POC1A: variants seen among roughly 807,000 people sequenced by gnomAD.
POC1A encodes the protein POC1 centriolar protein A.
POC1A carries 34 observed loss-of-function variants against 47.8 expected under a neutral mutation model. The observed-to-expected ratio is 0.71, with a 90% CI of 0.54 to 0.95. The LOEUF (loss-of-function observed/expected upper bound fraction) is 0.95. Among genes scored for constraint, POC1A ranks in the 40% least tolerant of loss-of-function variants. The pLI is 0.00. For synonymous variants in POC1A, 177 were observed against 207.6 expected, an observed-to-expected ratio of 0.85 and a Z score of 1.27; for missense variants, 466 against 528.3, an observed-to-expected ratio of 0.88 and a Z score of 1.16.
In POC1A at chr3:52,141,404, C is replaced by G. The variant is rs6784563; in HGVS notation, c.680-3102G>C. Among the ~76,000 whole-genome samples the G allele has an allele frequency of 7.6e-3, 1,164 of 152,354 alleles. 7 individuals carry two copies. The highest frequency in any genetic ancestry group is 0.026 in the African/African-American group (1,090 of 41,586). On this transcript the variant is annotated intron_variant, in intron 6 of 10. Transcript: ENST00000296484. ...CCAACATCCTTCCACAAAAGGACCG[C>G]TCATTTTCCCCAGGGTGGTCTCTTG...
chr3:52,139,356 C>CT (rs1278508130), intron 6 of POC1A, among the ~76,000 whole-genome samples: 1 of 152,202 alleles, frequency 6.6e-6, no homozygotes, highest in East Asian at 1.9e-4. Flanking sequence ...GTCCATGACT[C>CT]TCTTTTCCCT....
intron 5 of POC1A, among the ~76,000 whole-genome samples, chr3:52,146,561 C>T (rs551220281): frequency 6.6e-6 from 1 of 152,358 alleles, no homozygotes; most frequent in East Asian, 1.9e-4. Flanking sequence ...GAACAGCCAC[C>T]ATCTGCTACA....
At position 52,075,391 on chromosome 3, in the gene POC1A, T is replaced by C. The variant is rs747343; in HGVS notation, c.*496A>G. The C allele has an allele frequency of 0.26, 40,103 of 155,638 alleles. 6,415 individuals carry two copies. Among genetic ancestry groups the C allele is most frequent in the East Asian group, 0.46 (2,483 of 5,342 alleles). The allele number at this position is 155,638 out of a possible 1,614,324, so 9.6% of individuals were successfully genotyped here. ...ACCACCCACTTGAGAGGGCTTGTTC[T>C]CAACAAACCTGACTCAGATGGGCCC... is the stretch of plus-strand genomic sequence containing the variant. On this transcript the variant is annotated 3_prime_UTR_variant, in exon 11 of 11. Coordinates refer to ENST00000296484, the MANE Select transcript of POC1A (RefSeq NM_015426.5).
chr3:52,107,550 T>C (rs1295062666), intron 9 of POC1A, among the ~76,000 whole-genome samples: 1 of 152,164 alleles, frequency 6.6e-6, no homozygotes, highest in Non-Finnish European at 1.5e-5. Flanking sequence ...CCACGTACAC[T>C]CCCAAGGGCT....
intron 6 of POC1A, among the ~76,000 whole-genome samples, chr3:52,144,016 C>A (rs563698842): frequency 6.6e-6 from 1 of 152,346 alleles, no homozygotes; most frequent in South Asian, 2.1e-4. Flanking sequence ...AGTGTCAGGA[C>A]TTATGTAGCA....
In POC1A at chr3:52,145,958, A is replaced by C. The variant is rs908675630; in HGVS notation, c.567T>G (p.Phe189Leu). Reference sequence around the variant, plus strand: ...TGGGGTGGAAGTCCACATAGGTGACAAAGCTGGAAAGACAGGGGCCACTAT... The same window carrying C: ...TGGGGTGGAAGTCCACATAGGTGACCAAGCTGGAAAGACAGGGGCCACTAT... ...CVHSYCEHGG[F>L]VTYVDFHPSG... Residue 189 changes from phenylalanine (F) to leucine (L), a missense_variant, in exon 6 of 11, where the codon TTT (phenylalanine) becomes TTG (leucine). Phe to Leu is a conservative substitution (Grantham distance 22, BLOSUM62 0). Transcript: ENST00000296484. The C allele has an allele frequency of 6.2e-6, 10 of 1,601,712 alleles. No homozygotes were observed. The highest frequency in any genetic ancestry group is 5.0e-5 in the Admixed American group (3 of 60,006).
At chr3:52,086,198 A>G (rs9846049) in intron 10 of POC1A, among the ~76,000 whole-genome samples, 23,762 of 151,958 alleles carry the variant, frequency 0.16, 3,069 homozygotes, top group African/African-American at 0.35. Flanking sequence ...TGTGGTCCCC[A>G]CTGCTCTGAG....
intron 7 of POC1A, 59 bp from the exon 8 acceptor site, chr3:52,125,240 A>C: frequency 1.5e-6 from 2 of 1,370,906 alleles, no homozygotes; most frequent in Non-Finnish European, 2.1e-6. Context: ...CTAAATGCAC[A>C]GGAAGAAAAC....
rs1321640061 is a variant in POC1A at position 52,090,324 on chromosome 3, T to C, written c.1125+6245A>G. Among the ~76,000 whole-genome samples, 1 of 152,204 alleles carries C rather than the reference T, an allele frequency of 6.6e-6. No individual in the cohort carries two copies. The highest frequency in any genetic ancestry group is 1.5e-5 in the Non-Finnish European group (1 of 68,034). On this transcript the variant is annotated intron_variant, in intron 10 of 10. Coordinates refer to ENST00000296484, the MANE Select transcript of POC1A (RefSeq NM_015426.5). This position sits in a 1 kb window ranked among gnomAD's most constrained non-coding sequence, Gnocchi z 4.2. The stretch of plus-strand genomic sequence containing the variant: ...GGTATTTTTAAAAAGCAGCAAGACG[T>C]GAAACTGGAGTCAAAAATAACTTTG...
chr3:52,113,517 A>G (rs1453696639), intron 9 of POC1A, among the ~76,000 whole-genome samples: 1 of 152,238 alleles, frequency 6.6e-6, no homozygotes, highest in Admixed American at 6.5e-5. Flanking sequence ...AGCCCAGCCA[A>G]CATGGTGAAA....
chr3:52,087,239 A>T (rs1302787542), intron 10 of POC1A, among the ~76,000 whole-genome samples: 1 of 152,192 alleles, frequency 6.6e-6, no homozygotes, highest in Non-Finnish European at 1.5e-5. Context: ...TGGTCTGATG[A>T]TGACTAAAAT....
intron 10 of POC1A, among the ~76,000 whole-genome samples, chr3:52,096,035 G>T (rs894653033): frequency 2.6e-5 from 4 of 152,250 alleles, no homozygotes; most frequent in Admixed American, 2.6e-4. Flanking sequence ...ACATTTCCCA[G>T]ATTCATCTCC....
chr3:52,149,846 T>C lies in POC1A; in HGVS notation c.245A>G (p.Asp82Gly). 1 of 1,613,852 alleles carries C rather than the reference T, an allele frequency of 6.2e-7. No individual in the cohort carries two copies. Among genetic ancestry groups the C allele is most frequent in the Non-Finnish European group, 8.5e-7 (1 of 1,179,994 alleles). The change falls in exon 3 of 11, where the codon GAC becomes GGC. Residue 82 changes from aspartate to glycine, a missense_variant. Transcript: ENST00000296484. ...SGHLLASGSR[D>G]KTVRIWVPNV... ...GGGTACCCAGATGCGGACAGTCTTG[T>C]CTCGGGAGCCGGAAGCAAGCAGGTG...
At position 52,152,442 on chromosome 3, in the gene POC1A, C is replaced by T. The variant is rs531142951; in HGVS notation, c.19-1342G>A. On this transcript the variant is annotated intron_variant, in intron 1 of 10. Coordinates refer to ENST00000296484, the MANE Select transcript of POC1A (RefSeq NM_015426.5). ...AAAATTAGCTAGGCGTGGTGGTGGG[C>T]GCCTATAGTCCCAGCTATTTGGGAG... Among the ~76,000 whole-genome samples the T allele has an allele frequency of 9.9e-5, 15 of 151,856 alleles. No individual in the cohort carries two copies. The East Asian group carries it at 2.7e-3, about 27-fold the overall frequency.
chr3:52,123,350 G>T (rs1703866619), intron 8 of POC1A, among the ~76,000 whole-genome samples: 1 of 152,220 alleles, frequency 6.6e-6, no homozygotes, highest in Non-Finnish European at 1.5e-5. Flanking sequence ...TGTGCTTCCA[G>T]GGCCACTTCC....
At chr3:52,129,367 G>A (rs936793381) in intron 7 of POC1A, among the ~76,000 whole-genome samples, 2 of 152,216 alleles carry the variant, frequency 1.3e-5, no homozygotes, top group Non-Finnish European at 2.9e-5. Context: ...TATGATACAT[G>A]TTTTTGGAGA....
At chr3:52,104,939 C>T (rs111985478) in intron 9 of POC1A, among the ~76,000 whole-genome samples, 2,510 of 152,270 alleles carry the variant, frequency 0.016, 60 homozygotes, top group African/African-American at 0.052. Context: ...TGGAACACAC[C>T]CCTCTTAGGG....
At chr3:52,135,229 G>A (rs1049183686) in intron 7 of POC1A, among the ~76,000 whole-genome samples, 1 of 152,174 alleles carries the variant, frequency 6.6e-6, no homozygotes, top group Non-Finnish European at 1.5e-5. Context: ...CCCCCAGCTG[G>A]AGCAAAGCCA....
chr3:52,148,606 G>A (rs1410412831), intron 4 of POC1A, among the ~76,000 whole-genome samples: 1 of 152,252 alleles, frequency 6.6e-6, no homozygotes, highest in Non-Finnish European at 1.5e-5. Flanking sequence ...TCCCTGGCCA[G>A]CAGGAAGGCT....
Sources: allele counts gnomAD v4.1 joint callset (sites outside exome capture counted in the v4.1 genomes callset), GRCh38; gene constraint gnomAD v4.1.1; non-coding constraint Gnocchi (gnomAD v3.1); transcripts MANE v1.5; gene names NCBI Gene and HGNC (gene_info 2026-07-23, HGNC 2026-07-21).